The following CLIC1 variants were observed in gnomAD, a reference collection of about 807,000 sequenced individuals.
The protein encoded by CLIC1 is chloride intracellular channel protein 1.
In CLIC1, 16 loss-of-function variants were observed where a neutral mutation model predicts 26.4. The ratio of observed to expected loss-of-function variants is 0.61; its 90% CI spans 0.41 to 0.92. The LOEUF (loss-of-function observed/expected upper bound fraction) is 0.92. Among genes scored for constraint, CLIC1 ranks in the 40% least tolerant of loss-of-function variants. The pLI, the probability that CLIC1 is intolerant of heterozygous loss-of-function variation, is 0.00. For synonymous variants in CLIC1, 98 were observed against 120.8 expected (o/e 0.81, Z 1.24); for missense variants, 225 against 289.7 (o/e 0.78, Z 1.62).
chr6:31,730,696 C>T lies in CLIC1; in HGVS notation c.*146G>A, dbSNP rs1239063510. On this transcript the variant is annotated 3_prime_UTR_variant, in exon 6 of 6. Transcript: ENST00000375784. The surrounding 1 kb of genome is among the most constrained non-coding windows in gnomAD (Gnocchi z 5.1). Reference sequence around the variant, plus strand: ...GCCCCCCATTTCTTTCCCTCATCCCCTCTTCCACCACACCATCCCGGAACA... The same window carrying T: ...GCCCCCCATTTCTTTCCCTCATCCCTTCTTCCACCACACCATCCCGGAACA... The T allele has an allele frequency of 1.2e-6, 1 of 826,334 alleles. No homozygotes were observed. The highest frequency in any genetic ancestry group is 2.6e-5 in the East Asian group (1 of 38,860). The allele number at this position is 826,334 out of a possible 1,614,324, so 51.2% of individuals were successfully genotyped here.
Position 31,736,530 on chromosome 6 carries a change from G to C in CLIC1, c.-230C>G. 2 of 1,373,368 alleles carry C rather than the reference G, an allele frequency of 1.5e-6. No homozygotes were observed. Among genetic ancestry groups the C allele is most frequent in the Non-Finnish European group, 1.9e-6 (2 of 1,062,562 alleles). The allele number at this position is 1,373,368 out of a possible 1,614,324, so 85.1% of individuals were successfully genotyped here. On this transcript the variant is annotated 5_prime_UTR_variant, in exon 1 of 6. Coordinates refer to ENST00000375784, the Ensembl canonical transcript of CLIC1. The surrounding 1 kb of genome is among the most constrained non-coding windows in gnomAD (Gnocchi z 5.0). ...CGGTCCTCTCCCGGGCTGGATCAGA[G>C]AGCCGCTGACTCACCGACCGGCCCC...
At chr6:31,731,832 C>T (rs1485723091) in intron 5 of CLIC1, among the ~76,000 whole-genome samples, 2 of 152,206 alleles carry the variant, frequency 1.3e-5, no homozygotes, top group Admixed American at 6.5e-5. Flanking sequence ...CAGTTTTGAT[C>T]TTCCACAAGA....
chr6:31,730,801 G>C lies in CLIC1; in HGVS notation c.*41C>G. 6.2e-7 allele frequency: 1 copy of C among 1,608,848 alleles called. No individual in the cohort carries two copies. Among genetic ancestry groups the C allele is most frequent in the Non-Finnish European group, 8.5e-7 (1 of 1,176,780 alleles). Reference sequence around the variant, plus strand: ...CAATGTGGAAACCACCAGGGCCTTTGTGGAGAAAATGGAGGGGGTTGAGGG... The same window carrying C: ...CAATGTGGAAACCACCAGGGCCTTTCTGGAGAAAATGGAGGGGGTTGAGGG... On this transcript the variant is annotated 3_prime_UTR_variant, in exon 6 of 6. Transcript: ENST00000375784. This position sits in a 1 kb window ranked among gnomAD's most constrained non-coding sequence, Gnocchi z 5.1.
chr6:31,731,727 T>C (rs1464654415), intron 5 of CLIC1, among the ~76,000 whole-genome samples: 1 of 152,250 alleles, frequency 6.6e-6, no homozygotes, highest in Non-Finnish European at 1.5e-5. Flanking sequence ...AGTACACAGA[T>C]GTTCACTACA....
intron 5 of CLIC1, 80 bp from the exon 6 acceptor site, chr6:31,731,083 A>T: frequency 7.7e-7 from 1 of 1,296,808 alleles, no homozygotes; most frequent in Non-Finnish European, 1.1e-6. Flanking sequence ...CCAGGCCGAC[A>T]TGATAAAACC....
chr6:31,734,092 T>G lies in CLIC1; in HGVS notation c.149+62A>C. On this transcript the variant is annotated intron_variant, in intron 2 of 5. Transcript: ENST00000375784. This position sits in a 1 kb window ranked among gnomAD's most constrained non-coding sequence, Gnocchi z 5.3. ...AATGTTCATGACAGAAGGACTCGGG[T>G]GGGTGTGTGTTTGCACACATGTGTA... 1.9e-6 allele frequency: 3 copies of G among 1,581,752 alleles called. No individual in the cohort carries two copies. Among genetic ancestry groups the G allele is most frequent in the Non-Finnish European group, 2.6e-6 (3 of 1,151,108 alleles).
Position 31,736,171 on chromosome 6 carries a change from G to A in CLIC1, c.39+91C>T. On this transcript the variant is annotated intron_variant, in intron 1 of 5. Coordinates refer to ENST00000375784, the Ensembl canonical transcript of CLIC1. This position sits in a 1 kb window ranked among gnomAD's most constrained non-coding sequence, Gnocchi z 5.0. ...TGGGATTGGGGGTGGGAGTCAAGGA[G>A]GGAAGGGATTGGGGAGTTAAGGCTG... 1.5e-6 allele frequency: 2 copies of A among 1,357,196 alleles called. No individual in the cohort carries two copies. Among genetic ancestry groups the A allele is most frequent in the African/African-American group, 1.4e-5 (1 of 70,114 alleles). 84.1% of individuals were successfully genotyped at this position (1,357,196 alleles called of 1,614,324 possible). A position where few individuals can be genotyped will look rare whatever the true frequency, so the allele number is the denominator to read the frequency against.
chr6:31,731,933 G>A (rs978970855), intron 5 of CLIC1, among the ~76,000 whole-genome samples: 2 of 152,168 alleles, frequency 1.3e-5, no homozygotes, highest in African/African-American at 4.8e-5. Context: ...CAGTGATACC[G>A]AGACAGGAAG....
chr6:31,736,124 C>T lies in CLIC1; in HGVS notation c.39+138G>A, dbSNP rs1583871457. The stretch of plus-strand genomic sequence containing the variant: ...TTAATGTCTTCCCCTCTCAAAACCA[C>T]CCCTCAACCAAAGAGTGCACGTGGG... On this transcript the variant is annotated intron_variant, in intron 1 of 5. Transcript: ENST00000375784. This position sits in a 1 kb window ranked among gnomAD's most constrained non-coding sequence, Gnocchi z 5.0. 1 of 826,478 alleles carries T rather than the reference C, an allele frequency of 1.2e-6. No individual in the cohort carries two copies. Among genetic ancestry groups the T allele is most frequent in the East Asian group, 2.5e-5 (1 of 39,452 alleles). 51.2% of individuals were successfully genotyped at this position (826,478 alleles called of 1,614,324 possible).
Position 31,733,756 on chromosome 6 carries a change from C to T in CLIC1, c.275+80G>A. 6.2e-7 allele frequency: 1 copy of T among 1,605,450 alleles called. No homozygotes were observed. The highest frequency in any genetic ancestry group is 1.7e-5 in the Admixed American group (1 of 59,938). ...TCTCCTGCCCCAGCCCCACCACCAT[C>T]TCTGTTTTCCATTTCTGCAAACTGT... On this transcript the variant is annotated intron_variant, in intron 3 of 5. Transcript: ENST00000375784. This position sits in a 1 kb window ranked among gnomAD's most constrained non-coding sequence, Gnocchi z 5.4.
In CLIC1 at chr6:31,733,501, G is replaced by A. The variant is rs375401536; in HGVS notation, c.382+65C>T. ...ATCTGAACGTCCAGGTGCCCCTAAT[G>A]TCTCCTACCCGCTGGGTCCTCTCTA... On this transcript the variant is annotated intron_variant, in intron 4 of 5. Transcript: ENST00000375784. This position sits in a 1 kb window ranked among gnomAD's most constrained non-coding sequence, Gnocchi z 5.4. 2.0e-5 allele frequency: 23 copies of A among 1,176,864 alleles called. No individual in the cohort carries two copies. The East Asian group carries it at 2.6e-4, about 13-fold the overall frequency. 72.9% of individuals were successfully genotyped at this position (1,176,864 alleles called of 1,614,324 possible). A position where few individuals can be genotyped will look rare whatever the true frequency, so the allele number is the denominator to read the frequency against.
chr6:31,736,304 T>A lies in CLIC1; in HGVS notation c.-4A>T. On this transcript the variant is annotated 5_prime_UTR_variant, in exon 1 of 6. Transcript: ENST00000375784. This position sits in a 1 kb window ranked among gnomAD's most constrained non-coding sequence, Gnocchi z 5.0. ...CCTGCGGTTGTTCTTCAGCCATGGT[T>A]GCGTCGGGGACCAGGAAGTGGCCGT... The A allele has an allele frequency of 6.2e-7, 1 of 1,612,952 alleles. No individual in the cohort carries two copies. The highest frequency in any genetic ancestry group is 8.5e-7 in the Non-Finnish European group (1 of 1,179,998).
Position 31,730,694 on chromosome 6 carries a change from C to A in CLIC1, c.*148G>T. 1 of 790,294 alleles carries A rather than the reference C, an allele frequency of 1.3e-6. No individual in the cohort carries two copies. The allele number at this position is 790,294 out of a possible 1,614,324, so 49.0% of individuals were successfully genotyped here. A position where few individuals can be genotyped will look rare whatever the true frequency, so the allele number is the denominator to read the frequency against. On this transcript the variant is annotated 3_prime_UTR_variant, in exon 6 of 6. Coordinates refer to ENST00000375784, the Ensembl canonical transcript of CLIC1. The surrounding 1 kb of genome is among the most constrained non-coding windows in gnomAD (Gnocchi z 5.1). ...AGGCCCCCCATTTCTTTCCCTCATC[C>A]CCTCTTCCACCACACCATCCCGGAA...
rs1807848895 is a variant in CLIC1, at chr6:31,730,705, C to G, written c.*137G>C. The G allele has an allele frequency of 1.1e-6, 1 of 911,468 alleles. No homozygotes were observed. The highest frequency in any genetic ancestry group is 1.7e-6 in the Non-Finnish European group (1 of 594,254). The allele number at this position is 911,468 out of a possible 1,614,324, so 56.5% of individuals were successfully genotyped here. A position where few individuals can be genotyped will look rare whatever the true frequency, so the allele number is the denominator to read the frequency against. On this transcript the variant is annotated 3_prime_UTR_variant, in exon 6 of 6. Coordinates refer to ENST00000375784, the Ensembl canonical transcript of CLIC1. This position sits in a 1 kb window ranked among gnomAD's most constrained non-coding sequence, Gnocchi z 5.1. ...TTCTTTCCCTCATCCCCTCTTCCAC[C>G]ACACCATCCCGGAACAAGTGCTCCA...
At position 31,736,393 on chromosome 6, in the gene CLIC1, C is replaced by A; in HGVS notation, c.-93G>T. On this transcript the variant is annotated 5_prime_UTR_variant, in exon 1 of 6. Transcript: ENST00000375784. The surrounding 1 kb of genome is among the most constrained non-coding windows in gnomAD (Gnocchi z 5.0). ...GGGTCTCACACTCAGGGACTCTCTC[C>A]CCTAGACCCAGGGCTGTCCCTTCAG... 6.2e-7 allele frequency: 1 copy of A among 1,604,180 alleles called. No individual in the cohort carries two copies. The highest frequency in any genetic ancestry group is 1.3e-5 in the African/African-American group (1 of 74,866).
At position 31,734,124 on chromosome 6, in the gene CLIC1, G is replaced by C. The variant is rs117944423; in HGVS notation, c.149+30C>G. 8,339 of 1,592,370 alleles carry C rather than the reference G, an allele frequency of 5.2e-3. 110 individuals are homozygous for C. Among genetic ancestry groups the C allele is most frequent in the East Asian group, 0.04 (1,801 of 44,780 alleles). On this transcript the variant is annotated intron_variant, in intron 2 of 5. Coordinates refer to ENST00000375784, the Ensembl canonical transcript of CLIC1. This position sits in a 1 kb window ranked among gnomAD's most constrained non-coding sequence, Gnocchi z 5.3. ...GTGTTTGCACACATGTGTACACCAG[G>C]GGTGTTTCAAGGAACATAAGCAGGC...
At chr6:31,736,961 C>G, upstream of CLIC1, 5 of 985,570 alleles carry the variant, frequency 5.1e-6, no homozygotes, top group Non-Finnish European at 6.0e-6. This position sits in a 1 kb window ranked among gnomAD's most constrained non-coding sequence, Gnocchi z 5.0. Context: ...AGATAGGAAC[C>G]GTTAGCCATG....
chr6:31,734,326 C>T lies in CLIC1; in HGVS notation c.40-63G>A, dbSNP rs1808195356. On this transcript the variant is annotated intron_variant, in intron 1 of 5. Transcript: ENST00000375784. The surrounding 1 kb of genome is among the most constrained non-coding windows in gnomAD (Gnocchi z 5.3). ...ACCCCACCCATCCCTAGGCCAGTCC[C>T]TGCATTCCCACTCCCAGACCAGCTG... is the stretch of plus-strand genomic sequence containing the variant. The T allele has an allele frequency of 5.7e-6, 7 of 1,235,532 alleles. No homozygotes were observed. Among genetic ancestry groups the T allele is most frequent in the Non-Finnish European group, 8.2e-6 (7 of 848,952 alleles). 76.5% of individuals were successfully genotyped at this position (1,235,532 alleles called of 1,614,324 possible). A position where few individuals can be genotyped will look rare whatever the true frequency, so the allele number is the denominator to read the frequency against.
chr6:31,737,242 G>T (rs1378680210), upstream of CLIC1: 2 of 152,188 alleles, frequency 1.3e-5, no homozygotes, highest in Non-Finnish European at 2.9e-5. Context: ...TGGCCAACAT[G>T]GTGAAACCCT....
Sources: gnomAD v4.1 joint callset for allele counts (sites outside exome capture counted in the v4.1 genomes callset) on GRCh38, gnomAD v4.1.1 for gene constraint, Gnocchi (gnomAD v3.1) non-coding constraint, MANE v1.5 for transcripts, NCBI Gene and HGNC (gene_info 2026-07-23, HGNC 2026-07-21) for gene names.